The following RBFOX3 variants were observed in gnomAD, a reference collection of about 807,000 sequenced individuals.
RBFOX3 encodes RNA binding protein fox-1 homolog 3.
In RBFOX3, 17 loss-of-function variants were observed where a neutral mutation model predicts 48.7. The ratio of observed to expected loss-of-function variants is 0.35; its 90% CI spans 0.24 to 0.52. RBFOX3 has a LOEUF of 0.52. Ranked by LOEUF, RBFOX3 falls within the 20% of genes least tolerant of loss-of-function variation. The probability of loss-of-function intolerance (pLI) is 0.94; values close to 1 mark genes in which losing one functional copy is unlikely to be tolerated. For missense variants in RBFOX3, 382 were observed against 497.5 expected (o/e 0.77, Z 2.21); for synonymous variants, 212 against 209.5 (o/e 1.01, Z -0.10).
rs1708860 is a variant in RBFOX3 at position 79,513,631 on chromosome 17, T to A, written c.-319-31033A>T. Among the ~76,000 whole-genome samples, 13 of 152,282 alleles carry A rather than the reference T, an allele frequency of 8.5e-5. No individual in the cohort carries two copies. The Middle Eastern group carries it at 0.01, about 120-fold the overall frequency. ...ACTGCTTGAGTTTGAATCACAGCTC[T>A]GCCTCTTACCAGCCACGTGGCCTCG... On this transcript the variant is annotated intron_variant, in intron 1 of 14. Transcript: ENST00000693108.
At chr17:79,150,014 A>ATGGGGGTTGAGGGTGGGGGGGGGGG (rs2044007288) in intron 4 of RBFOX3, among the ~76,000 whole-genome samples, 1 of 5,832 alleles carries the variant, frequency 1.7e-4, no homozygotes, top group Non-Finnish European at 3.4e-4. Flanking sequence ...GGGGATGGGG[A>ATGGGGGTTGAGGGTGGGGGGGGGGG]TGGGGGTTGA....
upstream of RBFOX3, among the ~76,000 whole-genome samples, chr17:79,614,019 T>C (rs2145594736): frequency 6.6e-6 from 1 of 152,132 alleles, no homozygotes; most frequent in East Asian, 1.9e-4. Flanking sequence ...CCCAACGACC[T>C]GGAGAATAGG....
At chr17:79,574,408 A>G (rs1472189331) in intron 1 of RBFOX3, among the ~76,000 whole-genome samples, 4 of 152,226 alleles carry the variant, frequency 2.6e-5, no homozygotes, top group Non-Finnish European at 5.9e-5. Context: ...GATGGCGATC[A>G]AAGTGAACTC....
At chr17:79,540,239 C>T (rs781923943) in intron 1 of RBFOX3, among the ~76,000 whole-genome samples, 10 of 152,226 alleles carry the variant, frequency 6.6e-5, no homozygotes, top group Non-Finnish European at 1.5e-4. Context: ...AGCGTGGCTC[C>T]GATCTGAGAG....
Position 79,143,470 on chromosome 17 carries a change from C to A in RBFOX3, c.-33-27722G>T, listed in dbSNP as rs75911625. Among the ~76,000 whole-genome samples the A allele has an allele frequency of 7.8e-3, 1,195 of 152,262 alleles. 20 individuals carry two copies. The highest frequency in any genetic ancestry group is 0.027 in the African/African-American group (1,133 of 41,530). The stretch of plus-strand genomic sequence containing the variant: ...CCTCTTTTCCTCCACTCCCTGCTGC[C>A]CCCACAGCTCAGAAGCCAACCCACC... On this transcript the variant is annotated intron_variant, in intron 4 of 14. Coordinates refer to ENST00000693108, the MANE Select transcript of RBFOX3 (RefSeq NM_001350451.2).
In RBFOX3 at chr17:79,220,045, G is replaced by T. The variant is rs1315336676; in HGVS notation, c.-34+15721C>A. On this transcript the variant is annotated intron_variant, in intron 4 of 14. Transcript: ENST00000693108. This position sits in a 1 kb window ranked among gnomAD's most constrained non-coding sequence, Gnocchi z 5.9. ...TCCAACCGGCACCCCTGCCTGCTGGGCCCTGGGGGAAGGGTGGCATGGCCT... is the reference window on the plus strand; with the variant it reads ...TCCAACCGGCACCCCTGCCTGCTGGTCCCTGGGGGAAGGGTGGCATGGCCT... Among the ~76,000 whole-genome samples the T allele has an allele frequency of 2.7e-5, 4 of 147,962 alleles. No individual in the cohort carries two copies. Among genetic ancestry groups the T allele is most frequent in the African/African-American group, 1.0e-4 (4 of 40,012 alleles).
intron 1 of RBFOX3, among the ~76,000 whole-genome samples, chr17:79,588,907 T>C (rs1217360539): frequency 2.0e-5 from 3 of 147,326 alleles, no homozygotes; most frequent in Admixed American, 1.3e-4. Context: ...GGCCATATAG[T>C]GAGACCCCGT....
intron 1 of RBFOX3, among the ~76,000 whole-genome samples, chr17:79,585,391 A>G (rs2144927885): frequency 6.6e-6 from 1 of 151,868 alleles, no homozygotes; most frequent in Non-Finnish European, 1.5e-5. Flanking sequence ...CCCCATCTCT[A>G]CTAAAAATAC....
upstream of RBFOX3, among the ~76,000 whole-genome samples, chr17:79,612,447 G>A (rs1156655348): frequency 6.6e-6 from 1 of 152,110 alleles, no homozygotes; most frequent in African/African-American, 2.4e-5. Flanking sequence ...GGAGCTTCTC[G>A]GTAGTAGGGG....
chr17:79,530,402 G>T (rs1178023503), intron 1 of RBFOX3, among the ~76,000 whole-genome samples: 1 of 152,154 alleles, frequency 6.6e-6, no homozygotes, highest in Non-Finnish European at 1.5e-5. Flanking sequence ...GCCCAAATCT[G>T]CCAAAGAGTA....
intron 2 of RBFOX3, among the ~76,000 whole-genome samples, chr17:79,463,700 A>G (rs797043577): frequency 6.8e-5 from 8 of 117,202 alleles, no homozygotes; most frequent in Admixed American, 1.6e-4. Flanking sequence ...CACTGCCATC[A>G]CCACTGCCAC....
At chr17:79,438,264 G>A (rs1429444324) in intron 2 of RBFOX3, among the ~76,000 whole-genome samples, 4 of 152,360 alleles carry the variant, frequency 2.6e-5, no homozygotes, top group East Asian at 3.9e-4. Context: ...TGCAGGCCCA[G>A]TAGGGGCACC....
At chr17:79,247,310 ATTTT>A (rs57539628) in intron 3 of RBFOX3, among the ~76,000 whole-genome samples, 24 of 116,546 alleles carry the variant, frequency 2.1e-4, no homozygotes, top group African/African-American at 3.9e-4. Context: ...ACATAATCGT[ATTTT>A]TTTTTTTTTT....
intron 2 of RBFOX3, among the ~76,000 whole-genome samples, chr17:79,342,323 G>T (rs1269484542): frequency 6.6e-6 from 1 of 152,198 alleles, no homozygotes; most frequent in African/African-American, 2.4e-5. Context: ...CACTTTTAGA[G>T]AAATTTATTT....
chr17:79,172,452 T>A (rs1470610913), intron 4 of RBFOX3, among the ~76,000 whole-genome samples: 1 of 152,198 alleles, frequency 6.6e-6, no homozygotes, highest in East Asian at 1.9e-4. Flanking sequence ...CCTGTGGTCA[T>A]GGGAGTTTCT....
At chr17:79,287,264 C>G (rs1359671176) in intron 3 of RBFOX3, among the ~76,000 whole-genome samples, 1 of 152,214 alleles carries the variant, frequency 6.6e-6, no homozygotes, top group Non-Finnish European at 1.5e-5. Context: ...GAAGGGCTGA[C>G]AAGTGTCACT....
At chr17:79,513,577 G>A (rs2084819796) in intron 1 of RBFOX3, among the ~76,000 whole-genome samples, 1 of 152,338 alleles carries the variant, frequency 6.6e-6, no homozygotes, top group African/African-American at 2.4e-5. Context: ...TGGCACAGCA[G>A]GGTGGTGAAA....
chr17:79,263,979 C>G (rs773951222), intron 3 of RBFOX3, among the ~76,000 whole-genome samples: 1 of 151,868 alleles, frequency 6.6e-6, no homozygotes, highest in African/African-American at 2.4e-5. Context: ...AAGAAGGGCT[C>G]GTGGAACCAG....
intron 4 of RBFOX3, among the ~76,000 whole-genome samples, chr17:79,167,427 G>A (rs2048248232): frequency 6.6e-6 from 1 of 152,210 alleles, no homozygotes; most frequent in Non-Finnish European, 1.5e-5. Context: ...CCTCCAAGGA[G>A]GCCCTGGCTG....
Sources: gnomAD v4.1 joint callset for allele counts (sites outside exome capture counted in the v4.1 genomes callset) on GRCh38, gnomAD v4.1.1 for gene constraint, Gnocchi (gnomAD v3.1) non-coding constraint, MANE v1.5 for transcripts, NCBI Gene and HGNC (gene_info 2026-07-23, HGNC 2026-07-21) for gene names.